The following MUC17 variants were observed in gnomAD, a reference collection of about 807,000 sequenced individuals.
MUC17 encodes mucin-17.
MUC17 carries 190 observed loss-of-function variants against 170.3 expected under a neutral mutation model. The ratio of observed to expected loss-of-function variants is 1.12; its 90% confidence interval spans 0.99 to 1.26. The LOEUF (loss-of-function observed/expected upper bound fraction) is 1.26, where lower values mean the gene tolerates loss of function less well. Among genes scored for constraint, MUC17 ranks in the 50% most tolerant of loss-of-function variants. MUC17 has a pLI of 0.00. For missense variants in MUC17, 6,415 were observed against 5,530.0 expected, an observed-to-expected ratio of 1.16 and a Z score of -5.08; for synonymous variants, 2,325 against 2,002.5, an observed-to-expected ratio of 1.16 and a Z score of -4.30.
rs771826156 is a variant in MUC17, at chr7:101,020,212, A to T, written c.77A>T (p.Glu26Val). ...LSLLPPQAAAEQDLSVNRAVW... is the reference protein window; with the variant it reads ...LSLLPPQAAAVQDLSVNRAVW... ...CTCTTGCCCCCACAAGCTGCTGCAG[A>T]ACAGGGTGAGTGACCCCCACGCCCC... The change falls in exon 1 of 13, where the codon GAA (glutamate) becomes GTA (valine). Residue 26 changes from glutamate (E) to valine (V), a missense_variant. Coordinates refer to ENST00000306151, the MANE Select transcript of MUC17 (RefSeq NM_001040105.2). 6.2e-7 allele frequency: 1 copy of T among 1,609,026 alleles called. No individual in the cohort carries two copies. Among genetic ancestry groups the T allele is most frequent in the South Asian group, 1.1e-5 (1 of 89,862 alleles).
chr7:101,040,671 A>T lies in MUC17; in HGVS notation c.9255A>T (p.Ser3085=), dbSNP rs776052113. The change falls in exon 3 of 13, where the codon TCA becomes TCT. Residue 3085 remains serine (S), a synonymous_variant. Coordinates refer to ENST00000306151, the MANE Select transcript of MUC17 (RefSeq NM_001040105.2). ...SPVVTSTEVS[S]SPTPAEGTSM... The stretch of plus-strand genomic sequence containing the variant: ...TGGTCACTTCTACTGAAGTCAGTTC[A>T]TCTCCTACACCTGCTGAAGGTACCA... 6.2e-7 allele frequency: 1 copy of T among 1,609,612 alleles called. No homozygotes were observed. Among genetic ancestry groups the T allele is most frequent in the Non-Finnish European group, 8.5e-7 (1 of 1,178,386 alleles).
chr7:101,042,742 A>G lies in MUC17; in HGVS notation c.11326A>G (p.Ile3776Val), dbSNP rs1794753894. ...TRFPESSTPS[I>V]PSVYTSMSMT... is the part of the protein sequence containing the mutation. ...GTTTCCTGAGAGTAGCACCCCTTCCATACCATCTGTTTACACCAGCATGTC... is the reference window on the plus strand; with the variant it reads ...GTTTCCTGAGAGTAGCACCCCTTCCGTACCATCTGTTTACACCAGCATGTC... The change falls in exon 3 of 13, where the codon ATA (isoleucine) becomes GTA (valine). Residue 3776 changes from isoleucine (I) to valine (V), a missense_variant. Physicochemically the swap from Ile to Val is conservative, Grantham distance 29 (BLOSUM62 3). Coordinates refer to ENST00000306151, the MANE Select transcript of MUC17 (RefSeq NM_001040105.2). 4 of 1,613,894 alleles carry G rather than the reference A, an allele frequency of 2.5e-6. No individual in the cohort carries two copies. In the African/African-American group the frequency reaches 4.0e-5, roughly 16 times the overall value.
Position 101,035,807 on chromosome 7 carries a change from A to T in MUC17, c.4391A>T (p.Asn1464Ile), listed in dbSNP as rs137958529. 2 of 1,570,752 alleles carry T rather than the reference A, an allele frequency of 1.3e-6. No individual in the cohort carries two copies. Among genetic ancestry groups the T allele is most frequent in the Non-Finnish European group, 1.7e-6 (2 of 1,163,204 alleles). The change falls in exon 3 of 13, where the codon AAC becomes ATC. Residue 1464 changes from asparagine (N) to isoleucine (I), a missense_variant. Coordinates refer to ENST00000306151, the MANE Select transcript of MUC17 (RefSeq NM_001040105.2). Reference sequence around the variant, plus strand: ...CCATTAAAAAGTATACCTGTCAGCAACACGCCGGTGGCCAATTCTGAGGCT... The same window carrying T: ...CCATTAAAAAGTATACCTGTCAGCATCACGCCGGTGGCCAATTCTGAGGCT... ...KTPLKSIPVS[N>I]TPVANSEAST...
At position 101,040,657 on chromosome 7, in the gene MUC17, A is replaced by G. The variant is rs767381320; in HGVS notation, c.9241A>G (p.Thr3081Ala). ...VDSNSPVVTS[T>A]EVSSSPTPAE... Reference sequence around the variant, plus strand: ...CTCCAACAGTCCTGTGGTCACTTCTACTGAAGTCAGTTCATCTCCTACACC... The same window carrying G: ...CTCCAACAGTCCTGTGGTCACTTCTGCTGAAGTCAGTTCATCTCCTACACC... Residue 3081 changes from threonine to alanine, a missense_variant, in exon 3 of 13, where the codon ACT becomes GCT. By Grantham distance (58) the Thr-to-Ala change is moderately conservative. Transcript: ENST00000306151. 1.2e-6 allele frequency: 2 copies of G among 1,611,676 alleles called. No homozygotes were observed. The highest frequency in any genetic ancestry group is 1.1e-5 in the South Asian group (1 of 90,918).
rs187613775 is a variant in MUC17 at position 101,051,136 on chromosome 7, C to T, written c.12875-477C>T. On this transcript the variant is annotated intron_variant, in intron 7 of 12. Transcript: ENST00000306151. The stretch of plus-strand genomic sequence containing the variant: ...ATCCCAGCACTTTGGGAGGCTGAGA[C>T]GGGCAGATCACTTGAGGCCAGGAGT... 3.7e-3 allele frequency among the ~76,000 whole-genome samples: 555 copies of T among 151,998 alleles called. 2 individuals are homozygous for T. Among genetic ancestry groups the T allele is most frequent in the Non-Finnish European group, 5.4e-3 (364 of 67,972 alleles).
At position 101,039,456 on chromosome 7, in the gene MUC17, C is replaced by A. The variant is rs1318105847; in HGVS notation, c.8040C>A (p.Ser2680Arg). ...TSSSPTTAEG[S>R]SMPTSTPGER... ...CATCTCCTACAACTGCTGAAGGTAGCAGCATGCCAACCTCAACTCCTGGTG... is the reference window on the plus strand; with the variant it reads ...CATCTCCTACAACTGCTGAAGGTAGAAGCATGCCAACCTCAACTCCTGGTG... The change falls in exon 3 of 13, where the codon AGC becomes AGA. Residue 2680 changes from serine (S) to arginine (R), a missense_variant. By Grantham distance (110) the Ser-to-Arg change is moderately radical (BLOSUM62 -1). Transcript: ENST00000306151. 1 of 1,611,422 alleles carries A rather than the reference C, an allele frequency of 6.2e-7. No homozygotes were observed. The highest frequency in any genetic ancestry group is 1.1e-5 in the South Asian group (1 of 90,730).
chr7:101,020,220 G>A lies in MUC17; in HGVS notation c.82+3G>A, dbSNP rs1415351751. ...CCCACAAGCTGCTGCAGAACAGGGT[G>A]AGTGACCCCCACGCCCCGCTGCCCA... On this transcript the variant is annotated splice_donor_region_variant and intron_variant, in intron 1 of 12. Transcript: ENST00000306151. The A allele has an allele frequency of 6.2e-6, 10 of 1,607,226 alleles. No individual in the cohort carries two copies. Among genetic ancestry groups the A allele is most frequent in the Non-Finnish European group, 8.5e-6 (10 of 1,177,094 alleles).
In MUC17 at chr7:101,024,049, G is replaced by C. The variant is rs181317771; in HGVS notation, c.82+3832G>C. On this transcript the variant is annotated intron_variant, in intron 1 of 12. Coordinates refer to ENST00000306151, the MANE Select transcript of MUC17 (RefSeq NM_001040105.2). The stretch of plus-strand genomic sequence containing the variant: ...GTTGATCTTCTTTTGAGAAGTGTCT[G>C]TTCATGGCCTTTGCCCACTTTTTGA... Among the ~76,000 whole-genome samples, 6 of 152,086 alleles carry C rather than the reference G, an allele frequency of 3.9e-5. 1 individual carries two copies. The highest frequency in any genetic ancestry group is 3.9e-4 in the Admixed American group (6 of 15,266).
intron 3 of MUC17, among the ~76,000 whole-genome samples, chr7:101,044,774 T>G (rs1794806690): frequency 6.6e-6 from 1 of 152,260 alleles, no homozygotes; most frequent in African/African-American, 2.4e-5. Flanking sequence ...TCATTGATTT[T>G]GTTCATACTA....
chr7:101,045,407 T>G (rs1012998044), intron 3 of MUC17, among the ~76,000 whole-genome samples: 2 of 151,884 alleles, frequency 1.3e-5, no homozygotes, highest in Non-Finnish European at 2.9e-5. Context: ...TTTTCTTTTT[T>G]TTTTTGATGG....
chr7:101,035,310 T>C lies in MUC17; in HGVS notation c.3894T>C (p.Leu1298=), dbSNP rs1362496782. 1.2e-6 allele frequency: 2 copies of C among 1,610,416 alleles called. No homozygotes were observed. The highest frequency in any genetic ancestry group is 1.7e-6 in the Non-Finnish European group (2 of 1,177,808). The change falls in exon 3 of 13, where the codon CTT becomes CTC. Residue 1298 remains leucine (L), a synonymous_variant. Coordinates refer to ENST00000306151, the MANE Select transcript of MUC17 (RefSeq NM_001040105.2). ...TGACCAGTCCTGAGGCTAGCACCCT[T>C]TTAACAACTCCTGTTGACACTAAAG... ...TLVTSPEAST[L]LTTPVDTKGP... is the part of the protein sequence containing the mutation.
intron 1 of MUC17, among the ~76,000 whole-genome samples, chr7:101,028,656 T>C (rs956507792): frequency 9.2e-5 from 14 of 151,484 alleles, no homozygotes; most frequent in African/African-American, 3.2e-4. Context: ...GGCAGCAGGA[T>C]CCCTTGAGGC....
chr7:101,053,227 T>C, intron 10 of MUC17, 80 bp downstream of exon 10: 5 of 1,588,678 alleles, frequency 3.1e-6, no homozygotes, highest in Non-Finnish European at 4.3e-6. Flanking sequence ...TCTAATCACT[T>C]CATAGTCTAG....
At chr7:101,053,275 T>A in intron 10 of MUC17, 64 bp from the exon 11 acceptor site, 1 of 1,587,750 alleles carries the variant, frequency 6.3e-7, no homozygotes, top group Non-Finnish European at 8.6e-7. Context: ...GGATACAGCT[T>A]GTCCCTGGTC....
intron 3 of MUC17, among the ~76,000 whole-genome samples, chr7:101,044,192 T>C (rs1038209908): frequency 3.3e-5 from 5 of 152,174 alleles, no homozygotes; most frequent in Non-Finnish European, 7.3e-5. Flanking sequence ...AATGGCTGCA[T>C]AGTATTCCAT....
intron 3 of MUC17, among the ~76,000 whole-genome samples, chr7:101,045,396 T>TTTTC: frequency 6.6e-6 from 1 of 151,286 alleles, no homozygotes; most frequent in African/African-American, 2.4e-5. Context: ...TTTTCTTTTC[T>TTTTC]TTTTCTTTTT....
intron 1 of MUC17, among the ~76,000 whole-genome samples, chr7:101,030,458 C>A (rs1446216511): frequency 1.3e-5 from 2 of 152,140 alleles, no homozygotes; most frequent in Admixed American, 6.5e-5. Flanking sequence ...CTCCTGACCT[C>A]GTGATCCACC....
At chr7:101,021,715 C>T (rs968856246) in intron 1 of MUC17, among the ~76,000 whole-genome samples, 8 of 152,166 alleles carry the variant, frequency 5.3e-5, no homozygotes, top group African/African-American at 1.9e-4. Flanking sequence ...GTGGCTCCTC[C>T]GTCTCTGTGC....
rs374214621 is a variant in MUC17 at position 101,037,613 on chromosome 7, C to A, written c.6197C>A (p.Thr2066Lys). 1.1e-5 allele frequency: 17 copies of A among 1,613,886 alleles called. No homozygotes were observed. The highest frequency in any genetic ancestry group is 1.4e-5 in the Non-Finnish European group (17 of 1,179,940). The change falls in exon 3 of 13, where the codon ACA (threonine) becomes AAA (lysine). Residue 2066 changes from threonine (T) to lysine (K), a missense_variant. Physicochemically the swap from Thr to Lys is moderately conservative, Grantham distance 78. Coordinates refer to ENST00000306151, the MANE Select transcript of MUC17 (RefSeq NM_001040105.2). ...VVSSEGNTLS[T>K]TPVDSKTQVT... is the part of the protein sequence containing the mutation. ...AGTTCTGAGGGTAACACCCTTTCAACAACTCCTGTTGACTCCAAAACTCAG... is the reference window on the plus strand; with the variant it reads ...AGTTCTGAGGGTAACACCCTTTCAAAAACTCCTGTTGACTCCAAAACTCAG...
Sources: allele counts gnomAD v4.1 joint callset (sites outside exome capture counted in the v4.1 genomes callset), GRCh38; gene constraint gnomAD v4.1.1; transcripts MANE v1.5; gene names NCBI Gene and HGNC (gene_info 2026-07-23, HGNC 2026-07-21).